SMYD3: variants seen among roughly 807,000 people sequenced by gnomAD.
The protein encoded by SMYD3 is SET and MYND domain containing 3.
In SMYD3, 36 loss-of-function variants were observed where a neutral mutation model predicts 57.7. That is an observed-to-expected ratio of 0.62 (90% CI 0.48 to 0.82). The LOEUF (loss-of-function observed/expected upper bound fraction) is 0.82. Among genes scored for constraint, SMYD3 ranks in the 40% least tolerant of loss-of-function variants. The pLI is 0.00. For synonymous variants in SMYD3, 211 were observed against 195.0 expected, an observed-to-expected ratio of 1.08 and a Z score of -0.68; for missense variants, 515 against 538.8, an observed-to-expected ratio of 0.96 and a Z score of 0.44.
At chr1:246,386,078 C>T (rs1458401887) in intron 1 of SMYD3, among the ~76,000 whole-genome samples, 2 of 152,122 alleles carry the variant, frequency 1.3e-5, no homozygotes, top group East Asian at 3.9e-4. Flanking sequence ...TTAGTAGAGA[C>T]AGGGTTTCAC....
chr1:245,964,046 G>A (rs780934860), intron 5 of SMYD3, among the ~76,000 whole-genome samples: 31 of 152,202 alleles, frequency 2.0e-4, no homozygotes, highest in Non-Finnish European at 4.1e-4. Context: ...CATACATGAA[G>A]CAGAGTGTAG....
At chr1:246,456,178 A>G (rs2067697031) in intron 1 of SMYD3, among the ~76,000 whole-genome samples, 1 of 152,128 alleles carries the variant, frequency 6.6e-6, no homozygotes, top group South Asian at 2.1e-4. Flanking sequence ...AAGCTGATAT[A>G]TATCTAAGCC....
chr1:246,209,139 CTTT>C (rs886874555), intron 5 of SMYD3, among the ~76,000 whole-genome samples: 3 of 152,224 alleles, frequency 2.0e-5, no homozygotes, highest in Middle Eastern at 3.4e-3. Context: ...TTGGTAATGT[CTTT>C]AGTGCAACTT....
chr1:245,948,691 C>T (rs1048843989), intron 5 of SMYD3, among the ~76,000 whole-genome samples: 1 of 152,194 alleles, frequency 6.6e-6, no homozygotes, highest in African/African-American at 2.4e-5. Context: ...CCATTGATAT[C>T]CTCCACCACA....
At chr1:245,899,583 A>G (rs954155364) in intron 8 of SMYD3, among the ~76,000 whole-genome samples, 1 of 152,212 alleles carries the variant, frequency 6.6e-6, no homozygotes, top group Non-Finnish European at 1.5e-5. Flanking sequence ...CAGAGTAATC[A>G]AGTACTGTTT....
chr1:245,768,839 G>A (rs2046224013), intron 10 of SMYD3, among the ~76,000 whole-genome samples: 1 of 151,960 alleles, frequency 6.6e-6, no homozygotes, highest in African/African-American at 2.4e-5. Context: ...CAACCTGCTG[G>A]CACCTTCATC....
chr1:246,117,096 GCTGTA>G (rs1414169051), intron 5 of SMYD3, among the ~76,000 whole-genome samples: 1 of 152,128 alleles, frequency 6.6e-6, no homozygotes, highest in African/African-American at 2.4e-5. Flanking sequence ...CCCACTGAAA[GCTGTA>G]CTGAATTACA....
At chr1:246,275,213 G>GA (rs1369306739) in intron 5 of SMYD3, among the ~76,000 whole-genome samples, 10 of 152,176 alleles carry the variant, frequency 6.6e-5, no homozygotes, top group African/African-American at 2.2e-4. Context: ...CATCTCTACC[G>GA]AAACTACTCA....
chr1:246,423,751 G>T (rs1165667872), intron 1 of SMYD3, among the ~76,000 whole-genome samples: 1 of 152,046 alleles, frequency 6.6e-6, no homozygotes, highest in African/African-American at 2.4e-5. Flanking sequence ...GAGAAAATAG[G>T]GAGCAGGTAA....
At chr1:246,000,893 CAGA>C (rs2059028839) in intron 5 of SMYD3, among the ~76,000 whole-genome samples, 1 of 152,190 alleles carries the variant, frequency 6.6e-6, no homozygotes, top group Non-Finnish European at 1.5e-5. Context: ...TGTTTGGAAA[CAGA>C]AGATCACATT....
chr1:245,929,430 C>T (rs1457574213), intron 6 of SMYD3, among the ~76,000 whole-genome samples: 4 of 152,198 alleles, frequency 2.6e-5, no homozygotes, highest in African/African-American at 9.6e-5. Flanking sequence ...GGGCCAAAGC[C>T]TGAGAGTTTT....
At chr1:245,850,209 C>T (rs902022569) in intron 10 of SMYD3, among the ~76,000 whole-genome samples, 4 of 152,146 alleles carry the variant, frequency 2.6e-5, no homozygotes, top group African/African-American at 9.7e-5. Context: ...TTTCTTGGCT[C>T]CACCCCACAC....
intron 10 of SMYD3, chr1:245,814,458 A>G (rs953965903): frequency 4.7e-6 from 4 of 857,410 alleles, no homozygotes; most frequent in Non-Finnish European, 5.6e-6. Flanking sequence ...TAAACAATAA[A>G]AATAAATAAA....
At chr1:245,851,460 C>T (rs1172196178) in intron 10 of SMYD3, among the ~76,000 whole-genome samples, 1 of 152,188 alleles carries the variant, frequency 6.6e-6, no homozygotes, top group African/African-American at 2.4e-5. Context: ...GATGGGCAGG[C>T]TTCTTTAGTC....
intron 10 of SMYD3, among the ~76,000 whole-genome samples, chr1:245,842,601 A>G (rs1386605185): frequency 6.6e-6 from 1 of 152,218 alleles, no homozygotes; most frequent in Admixed American, 6.5e-5. Flanking sequence ...AATTAATGAG[A>G]AAAGAAACTT....
chr1:245,884,244 A>G (rs1175030659), intron 8 of SMYD3, among the ~76,000 whole-genome samples: 2 of 152,196 alleles, frequency 1.3e-5, no homozygotes, highest in African/African-American at 4.8e-5. Context: ...CCTGACCATG[A>G]TGCAGCATGG....
chr1:245,751,938 C>T (rs1558299994), intron 11 of SMYD3, among the ~76,000 whole-genome samples: 1 of 152,196 alleles, frequency 6.6e-6, no homozygotes. Context: ...ATGAGATTCC[C>T]CTGGGCAGAA....
chr1:245,916,357 T>C (rs1027388322), intron 7 of SMYD3, among the ~76,000 whole-genome samples: 11 of 152,170 alleles, frequency 7.2e-5, no homozygotes, highest in African/African-American at 2.7e-4. Flanking sequence ...TCCCATTAAG[T>C]CACGGGTCTT....
chr1:246,439,314 T>C (rs1334262846), intron 1 of SMYD3, among the ~76,000 whole-genome samples: 2 of 152,122 alleles, frequency 1.3e-5, no homozygotes, highest in Non-Finnish European at 1.5e-5. Context: ...AAACCATGGA[T>C]TCAAAGGATT....
Sources: gnomAD v4.1 joint callset for allele counts (sites outside exome capture counted in the v4.1 genomes callset) on GRCh38, gnomAD v4.1.1 for gene constraint, MANE v1.5 for transcripts, NCBI Gene and HGNC (gene_info 2026-07-23, HGNC 2026-07-21) for gene names.